Variants in SETD5 observed in about 807,000 individuals in gnomAD.
SETD5 encodes SET domain containing 5.
SETD5 carries 44 observed loss-of-function variants against 153.3 expected under a neutral mutation model. That is an observed-to-expected ratio of 0.29 (90% confidence interval 0.23 to 0.37). SETD5 has a LOEUF of 0.37. Ranked by LOEUF, SETD5 falls within the 10% of genes least tolerant of loss-of-function variation. The pLI is 1.00. For synonymous variants in SETD5, 716 were observed against 645.2 expected, an observed-to-expected ratio of 1.11 and a Z score of -1.66; for missense variants, 1,544 against 1,768.0, an observed-to-expected ratio of 0.87 and a Z score of 2.27.
At chr3:9,460,204 T>C (rs2125444563) in intron 17 of SETD5, among the ~76,000 whole-genome samples, 1 of 152,030 alleles carries the variant, frequency 6.6e-6, no homozygotes, top group Admixed American at 6.5e-5. Flanking sequence ...GTATGTAAAC[T>C]TTTTAAATGT....
chr3:9,469,988 C>T (rs1355662621), intron 18 of SETD5, among the ~76,000 whole-genome samples: 1 of 152,156 alleles, frequency 6.6e-6, no homozygotes, highest in Non-Finnish European at 1.5e-5. Context: ...TCTCCTTCCT[C>T]CACCTTTTTC....
chr3:9,404,929 A>C (rs1392427967), intron 1 of SETD5, among the ~76,000 whole-genome samples: 2 of 152,256 alleles, frequency 1.3e-5, no homozygotes, highest in Non-Finnish European at 2.9e-5. Flanking sequence ...TTGCCTGTGC[A>C]GCTGCTCCAC....
intron 1 of SETD5, among the ~76,000 whole-genome samples, chr3:9,400,223 G>A (rs2034535811): frequency 1.3e-5 from 2 of 151,978 alleles, no homozygotes; most frequent in Admixed American, 1.3e-4. Context: ...TTCTTTTTTT[G>A]TTTGTTTGAT....
At chr3:9,427,369 G>A (rs2039409512) in intron 2 of SETD5, among the ~76,000 whole-genome samples, 1 of 152,150 alleles carries the variant, frequency 6.6e-6, no homozygotes, top group Non-Finnish European at 1.5e-5. Context: ...GGCCAACATA[G>A]TGAAACTTCA....
chr3:9,468,512 C>G (rs2044900919), intron 18 of SETD5: 1 of 1,304,116 alleles, frequency 7.7e-7, no homozygotes, highest in Non-Finnish European at 1.0e-6. Flanking sequence ...GCTTTTCCCT[C>G]CTCTAGAACA....
rs1448139711 is a variant in SETD5, at chr3:9,434,818, C to T, written c.330-6C>T. The T allele has an allele frequency of 2.5e-6, 4 of 1,612,120 alleles. No individual in the cohort carries two copies. The highest frequency in any genetic ancestry group is 3.4e-6 in the Non-Finnish European group (4 of 1,179,238). ...GGACTACTTTAAGTTTATTTTCCCT[C>T]TTTAGGGGAATGAGCAGGGGGAAGG... is the stretch of plus-strand genomic sequence containing the variant. On this transcript the variant is annotated splice_polypyrimidine_tract_variant and splice_region_variant and intron_variant, in intron 5 of 22. Transcript: ENST00000402198. The surrounding 1 kb of genome is among the most constrained non-coding windows in gnomAD (Gnocchi z 5.6).
chr3:9,416,169 C>T (rs2037420138), intron 1 of SETD5, among the ~76,000 whole-genome samples: 1 of 138,886 alleles, frequency 7.2e-6, no homozygotes, highest in Admixed American at 7.0e-5. Flanking sequence ...AGTGGGTGAG[C>T]CTTTTTGCCC....
At chr3:9,437,258 G>C (rs929106173) in intron 7 of SETD5, among the ~76,000 whole-genome samples, 1 of 152,162 alleles carries the variant, frequency 6.6e-6, no homozygotes, top group Non-Finnish European at 1.5e-5. Flanking sequence ...CCCTAGCACT[G>C]TGTGGGCTTT....
At position 9,434,213 on chromosome 3, in the gene SETD5, C is replaced by A; in HGVS notation, c.178-121C>A. ...CTTTCTTCTTTCTTTCCATATGTAC[C>A]ATACTTTAGGGGAGAGAGGGGCCAG... On this transcript the variant is annotated intron_variant, in intron 4 of 22. Transcript: ENST00000402198. This position sits in a 1 kb window ranked among gnomAD's most constrained non-coding sequence, Gnocchi z 5.6. 6.4e-7 allele frequency: 1 copy of A among 1,550,988 alleles called. No homozygotes were observed. The highest frequency in any genetic ancestry group is 1.2e-5 in the South Asian group (1 of 85,338).
At chr3:9,429,265 C>A in intron 3 of SETD5, 1 of 261,226 alleles carries the variant, frequency 3.8e-6, no homozygotes, top group Non-Finnish European at 7.4e-6. Context: ...AATTCATTTT[C>A]ATTTGTTTTA....
intron 18 of SETD5, among the ~76,000 whole-genome samples, chr3:9,467,013 T>TGGGATTTTTA (rs2044663590): frequency 6.6e-6 from 1 of 151,032 alleles, no homozygotes; most frequent in Non-Finnish European, 1.5e-5. Context: ...TGGGCAACAG[T>TGGGATTTTTA]GAGATCCCAT....
At position 9,445,714 on chromosome 3, in the gene SETD5, C is replaced by G. The variant is rs1559427364; in HGVS notation, c.1498C>G (p.Gln500Glu). The change falls in exon 13 of 23, where the codon CAG becomes GAG. Residue 500 changes from glutamine to glutamate, a missense_variant. By Grantham distance (29) the Gln-to-Glu change is conservative. Transcript: ENST00000402198. Reference sequence around the variant, plus strand: ...AGAGAAAGAAGAGGTTATAGATGACCAGGAGAACCTAGCTCATAGCAGGAG... The same window carrying G: ...AGAGAAAGAAGAGGTTATAGATGACGAGGAGAACCTAGCTCATAGCAGGAG... ...EEEKEEVIDD[Q>E]ENLAHSRRTR... 1.9e-6 allele frequency: 3 copies of G among 1,613,362 alleles called. No individual in the cohort carries two copies. The highest frequency in any genetic ancestry group is 1.1e-5 in the South Asian group (1 of 91,016).
intron 3 of SETD5, 35 bp from the exon 4 acceptor site, chr3:9,433,810 T>TA (rs1321233609): frequency 2.5e-6 from 4 of 1,593,696 alleles, no homozygotes. Context: ...GATTAGGTGT[T>TA]ATGCTATCAT....
intron 1 of SETD5, among the ~76,000 whole-genome samples, chr3:9,423,544 A>G (rs1416918000): frequency 1.3e-5 from 2 of 151,664 alleles, no homozygotes; most frequent in Admixed American, 6.6e-5. Flanking sequence ...CTTATTTGCT[A>G]TTGCTTCTTC....
At chr3:9,448,733 A>G (rs970871008) in intron 16 of SETD5, 103 bp downstream of exon 16, 63 of 1,153,086 alleles carry the variant, frequency 5.5e-5, no homozygotes, top group Non-Finnish European at 7.3e-5. Context: ...TGTTCTCTAG[A>G]TAGCCACTCT....
intron 16 of SETD5, among the ~76,000 whole-genome samples, chr3:9,451,632 G>A (rs889143969): frequency 1.3e-5 from 2 of 152,062 alleles, no homozygotes; most frequent in African/African-American, 4.8e-5. Context: ...TTTTTGTAGC[G>A]ACAGGGTTTT....
rs750654151 is a variant in SETD5, at chr3:9,445,240, G to A, written c.1380G>A (p.Glu460=). 17 of 1,612,148 alleles carry A rather than the reference G, an allele frequency of 1.1e-5. No individual in the cohort carries two copies. The highest frequency in any genetic ancestry group is 1.3e-5 in the Non-Finnish European group (15 of 1,178,932). The change falls in exon 12 of 23, where the codon GAG becomes GAA. Residue 460 remains glutamate, a synonymous_variant. Coordinates refer to ENST00000402198, the MANE Select transcript of SETD5 (RefSeq NM_001080517.3). ...EMEQQNEASE[E]NNDQQSQEVP... is the part of the protein sequence containing the mutation. ...AGCAGCAGAATGAGGCTTCAGAGGA[G>A]AATAATGACCAGCAATCACAAGAAG...
chr3:9,416,474 A>G (rs752321092), intron 1 of SETD5, among the ~76,000 whole-genome samples: 9 of 152,190 alleles, frequency 5.9e-5, no homozygotes, highest in Non-Finnish European at 1.3e-4. Context: ...AATGCAAGAA[A>G]TTTATCAACA....
Position 9,453,760 on chromosome 3 carries a change from G to A in SETD5, c.2368G>A (p.Glu790Lys). The A allele has an allele frequency of 6.2e-7, 1 of 1,600,934 alleles. No individual in the cohort carries two copies. Among genetic ancestry groups the A allele is most frequent in the Non-Finnish European group, 8.5e-7 (1 of 1,176,624 alleles). ...ATAGCGCTGGATAAAACAAGCCTTAGAAGAAGGGATGACTCAAACATCATC... is the reference window on the plus strand; with the variant it reads ...ATAGCGCTGGATAAAACAAGCCTTAAAAGAAGGGATGACTCAAACATCATC... ...CKKRWIKQAL[E>K]EGMTQTSSVP... Residue 790 changes from glutamate (E) to lysine (K), a missense_variant, in exon 17 of 23, where the codon GAA (glutamate) becomes AAA (lysine). Physicochemically the swap from Glu to Lys is moderately conservative, Grantham distance 56 (BLOSUM62 1). This residue lies in a region of SETD5 where 782 missense variants were observed against 787.2 expected (regional missense o/e 0.99). Coordinates refer to ENST00000402198, the MANE Select transcript of SETD5 (RefSeq NM_001080517.3).
Sources: allele counts gnomAD v4.1 joint callset (sites outside exome capture counted in the v4.1 genomes callset), GRCh38; gene constraint gnomAD v4.1.1; regional missense constraint gnomAD v4.1.1; non-coding constraint Gnocchi (gnomAD v3.1); transcripts MANE v1.5; gene names NCBI Gene and HGNC (gene_info 2026-07-23, HGNC 2026-07-21).